Variants in LRP1B observed in about 807,000 individuals in gnomAD.
LRP1B encodes the protein LDL receptor related protein 1B.
Under a neutral mutation model 556.6 loss-of-function variants are expected in LRP1B, and 217 were observed. That is an observed-to-expected ratio of 0.39 (90% confidence interval 0.35 to 0.44). The LOEUF is 0.44. Among genes scored for constraint, LRP1B ranks in the 20% least tolerant of loss-of-function variants. The probability of loss-of-function intolerance (pLI) is 1.00; values close to 1 mark genes in which losing one functional copy is unlikely to be tolerated. For missense variants in LRP1B, 5,053 were observed against 5,620.8 expected (o/e 0.90, Z 3.23); for synonymous variants, 2,047 against 1,865.8 (o/e 1.10, Z -2.50).
chr2:141,005,527 T>A (rs1697548410), intron 14 of LRP1B, 70 bp from the exon 15 acceptor site: 1 of 1,443,448 alleles, frequency 6.9e-7, no homozygotes, highest in Admixed American at 1.8e-5. Flanking sequence ...TGAACATAGA[T>A]GTAATTACAT....
intron 2 of LRP1B, among the ~76,000 whole-genome samples, chr2:141,564,139 G>T (rs7602707): frequency 0.76 from 116,161 of 152,012 alleles, 44,659 homozygotes; most frequent in East Asian, 0.89. Flanking sequence ...TTTTGTTTGA[G>T]AAATGAAGGA....
chr2:140,868,629 C>G (rs553815505), intron 25 of LRP1B, among the ~76,000 whole-genome samples: 1 of 152,086 alleles, frequency 6.6e-6, no homozygotes, highest in Admixed American at 6.6e-5. Flanking sequence ...ACAACATATG[C>G]TAAGGCCCTA....
intron 2 of LRP1B, among the ~76,000 whole-genome samples, chr2:141,596,448 G>C (rs1220200952): frequency 6.6e-6 from 1 of 151,968 alleles, no homozygotes; most frequent in Non-Finnish European, 1.5e-5. Flanking sequence ...AGAGAAATTT[G>C]GACAGATGAG....
At position 141,471,284 on chromosome 2, in the gene LRP1B, T is replaced by TG. The variant is rs762259120; in HGVS notation, c.343+9111_343+9112insC. 6.4e-3 allele frequency among the ~76,000 whole-genome samples: 917 copies of TG among 142,384 alleles called. 12 individuals carry two copies. Among genetic ancestry groups the TG allele is most frequent in the Middle Eastern group, 0.038 (10 of 266 alleles). The allele number at this position is 142,384 out of a possible 152,430, so 93.4% of individuals were successfully genotyped here. On this transcript the variant is annotated intron_variant, in intron 3 of 90. Transcript: ENST00000389484. ...TACCCTGGTATTTTTTTTTTTTTTTTTTTTTTTTTTACTCTCTTGCTTTTT... is the reference window on the plus strand; with the variant it reads ...TACCCTGGTATTTTTTTTTTTTTTTTGTTTTTTTTTTACTCTCTTGCTTTTT...
chr2:142,093,036 T>G (rs1186743723), intron 1 of LRP1B, among the ~76,000 whole-genome samples: 1 of 152,064 alleles, frequency 6.6e-6, no homozygotes, highest in Non-Finnish European at 1.5e-5. Context: ...ATGCTCCACT[T>G]TTTTCAGTAC....
intron 14 of LRP1B, among the ~76,000 whole-genome samples, chr2:141,006,072 G>C (rs1482650696): frequency 6.6e-6 from 1 of 151,926 alleles, no homozygotes; most frequent in Non-Finnish European, 1.5e-5. Flanking sequence ...AAATTAAGCA[G>C]GCATGAGAGG....
chr2:141,652,862 T>C (rs1040254678), intron 2 of LRP1B, among the ~76,000 whole-genome samples: 1 of 152,176 alleles, frequency 6.6e-6, no homozygotes, highest in Non-Finnish European at 1.5e-5. Flanking sequence ...GTCTACCTCT[T>C]GTCATATATA....
intron 35 of LRP1B, among the ~76,000 whole-genome samples, chr2:140,757,927 T>C (rs1688791626): frequency 6.6e-6 from 1 of 152,132 alleles, no homozygotes; most frequent in African/African-American, 2.4e-5. Flanking sequence ...GACTTGAGGC[T>C]GGGAGTTTGA....
intron 1 of LRP1B, among the ~76,000 whole-genome samples, chr2:141,961,258 G>T (rs1701397696): frequency 6.6e-6 from 1 of 151,604 alleles, no homozygotes; most frequent in Non-Finnish European, 1.5e-5. Flanking sequence ...TACTATGTTG[G>T]ATCCTGCTCT....
At chr2:141,570,450 G>A (rs2105262296) in intron 2 of LRP1B, among the ~76,000 whole-genome samples, 1 of 151,342 alleles carries the variant, frequency 6.6e-6, no homozygotes, top group East Asian at 1.9e-4. Flanking sequence ...TACACCACCA[G>A]GGCCTAGTGT....
chr2:141,164,786 TAC>T (rs931091784), intron 7 of LRP1B, among the ~76,000 whole-genome samples: 1 of 152,036 alleles, frequency 6.6e-6, no homozygotes, highest in Non-Finnish European at 1.5e-5. Flanking sequence ...ATTTAGAAGA[TAC>T]AGAGTCATTC....
intron 7 of LRP1B, among the ~76,000 whole-genome samples, chr2:141,142,991 C>T (rs558344274): frequency 2.8e-5 from 4 of 141,576 alleles, no homozygotes; most frequent in East Asian, 4.2e-4. Context: ...TTCAATGGCG[C>T]GATCTCGGCT....
chr2:141,430,730 A>G lies in LRP1B; in HGVS notation c.343+49666T>C, dbSNP rs138223699. Reference sequence around the variant, plus strand: ...ATATGGGAGGCAGAATATTAAAGCTATTCCCTAAAAAGCCCTTGCCTTTTG... The same window carrying G: ...ATATGGGAGGCAGAATATTAAAGCTGTTCCCTAAAAAGCCCTTGCCTTTTG... On this transcript the variant is annotated intron_variant, in intron 3 of 90. Transcript: ENST00000389484. 9.8e-5 allele frequency among the ~76,000 whole-genome samples: 15 copies of G among 152,290 alleles called. No homozygotes were observed. The East Asian group carries it at 2.7e-3, about 27-fold the overall frequency.
chr2:141,251,712 A>T (rs1684267901), intron 4 of LRP1B, among the ~76,000 whole-genome samples: 1 of 152,116 alleles, frequency 6.6e-6, no homozygotes, highest in African/African-American at 2.4e-5. Flanking sequence ...CAAAACAAGC[A>T]TGGGTGGATA....
At chr2:141,139,065 G>A (rs985177197) in intron 7 of LRP1B, among the ~76,000 whole-genome samples, 2 of 151,858 alleles carry the variant, frequency 1.3e-5, no homozygotes, top group African/African-American at 4.8e-5. Flanking sequence ...TAGCTTATTT[G>A]TGGCAAAGAT....
intron 2 of LRP1B, among the ~76,000 whole-genome samples, chr2:141,503,260 A>G (rs1683796622): frequency 2.0e-4 from 1 of 5,006 alleles, no homozygotes; most frequent in African/African-American, 3.5e-4. Flanking sequence ...ATAATATATA[A>G]TAATATATAA....
intron 1 of LRP1B, among the ~76,000 whole-genome samples, chr2:141,972,552 GACTA>G (rs1286389895): frequency 2.0e-5 from 3 of 149,404 alleles, no homozygotes; most frequent in East Asian, 4.0e-4. Context: ...AGGCAACGAT[GACTA>G]ACTAAATCCA....
chr2:141,596,937 G>T (rs888556117), intron 2 of LRP1B, among the ~76,000 whole-genome samples: 1 of 151,674 alleles, frequency 6.6e-6, no homozygotes, highest in African/African-American at 2.4e-5. Flanking sequence ...CATTACCAAG[G>T]TTTAGTAGTT....
At chr2:140,264,392 C>A (rs1426678597) in intron 86 of LRP1B, among the ~76,000 whole-genome samples, 4 of 152,106 alleles carry the variant, frequency 2.6e-5, no homozygotes. Context: ...TCACACCTGG[C>A]TAACTTTTGT....
Sources: allele counts gnomAD v4.1 joint callset (sites outside exome capture counted in the v4.1 genomes callset), GRCh38; gene constraint gnomAD v4.1.1; transcripts MANE v1.5; gene names NCBI Gene and HGNC (gene_info 2026-07-23, HGNC 2026-07-21).